PDE4D: variants seen among roughly 807,000 people sequenced by gnomAD.
PDE4D encodes the protein phosphodiesterase 4D.
Under a neutral mutation model 87.4 loss-of-function variants are expected in PDE4D, and 24 were observed. That is an observed-to-expected ratio of 0.27 (90% CI 0.20 to 0.39). The LOEUF (loss-of-function observed/expected upper bound fraction) is 0.39. Among genes scored for constraint, PDE4D ranks in the 10% least tolerant of loss-of-function variants. PDE4D has a pLI of 1.00. For synonymous variants in PDE4D, 384 were observed against 383.2 expected, an observed-to-expected ratio of 1.00 and a Z score of -0.02; for missense variants, 714 against 1,041.0, an observed-to-expected ratio of 0.69 and a Z score of 4.32.
intron 1 of PDE4D, among the ~76,000 whole-genome samples, chr5:60,345,770 G>A (rs918437134): frequency 6.6e-5 from 10 of 151,944 alleles, no homozygotes; most frequent in Admixed American, 6.6e-5. Flanking sequence ...CAAGATGACT[G>A]AATTTCAGAT....
intron 1 of PDE4D, among the ~76,000 whole-genome samples, chr5:59,855,583 A>G (rs1745309083): frequency 1.3e-5 from 2 of 152,260 alleles, no homozygotes; most frequent in South Asian, 2.1e-4. Flanking sequence ...TTAATAATCT[A>G]CCCATTCTCT....
chr5:60,359,227 C>CA (rs1561161887), intron 1 of PDE4D, among the ~76,000 whole-genome samples: 1 of 152,062 alleles, frequency 6.6e-6, no homozygotes, highest in Non-Finnish European at 1.5e-5. Flanking sequence ...GGCAACATGA[C>CA]AAAACCCCAT....
chr5:59,814,617 C>T (rs993572604), intron 1 of PDE4D, among the ~76,000 whole-genome samples: 12 of 152,140 alleles, frequency 7.9e-5, no homozygotes, highest in Non-Finnish European at 1.5e-4. Flanking sequence ...AACTGGTGTT[C>T]GCATCTCTGC....
chr5:59,708,306 A>G (rs1463935713), intron 1 of PDE4D, among the ~76,000 whole-genome samples: 1 of 152,084 alleles, frequency 6.6e-6, no homozygotes, highest in Non-Finnish European at 1.5e-5. Flanking sequence ...CACAGCTAGT[A>G]GAAGACAAGA....
intron 2 of PDE4D, among the ~76,000 whole-genome samples, chr5:59,196,469 T>C (rs1016370952): frequency 6.6e-6 from 1 of 152,238 alleles, no homozygotes; most frequent in East Asian, 1.9e-4. Context: ...GACTTTCCCT[T>C]CTGGCTGTGT....
chr5:59,717,138 T>A (rs1755149251), intron 1 of PDE4D, among the ~76,000 whole-genome samples: 1 of 152,206 alleles, frequency 6.6e-6, no homozygotes, highest in Non-Finnish European at 1.5e-5. Context: ...CTCCTGCCTT[T>A]ATTCTCTCTC....
chr5:60,442,756 C>G (rs1316908469), intron 1 of PDE4D, among the ~76,000 whole-genome samples: 1 of 152,006 alleles, frequency 6.6e-6, no homozygotes, highest in Non-Finnish European at 1.5e-5. Context: ...TCTTAGGTCT[C>G]AAGTTTGGGT....
At chr5:59,604,016 A>G (rs902253392) in intron 1 of PDE4D, among the ~76,000 whole-genome samples, 1 of 151,508 alleles carries the variant, frequency 6.6e-6, no homozygotes, top group African/African-American at 2.4e-5. Flanking sequence ...AATGATAAAT[A>G]CACAATTTTA....
chr5:59,688,859 T>G (rs1257760308), intron 1 of PDE4D, among the ~76,000 whole-genome samples: 1 of 152,132 alleles, frequency 6.6e-6, no homozygotes, highest in Non-Finnish European at 1.5e-5. Flanking sequence ...AAGAATCAAA[T>G]AGACGCAATA....
At chr5:59,820,108 G>C (rs1769459839) in intron 1 of PDE4D, among the ~76,000 whole-genome samples, 1 of 152,144 alleles carries the variant, frequency 6.6e-6, no homozygotes. Flanking sequence ...CTATGGGTGG[G>C]GGCTTTATGA....
chr5:59,579,308 T>A (rs1823683896), intron 1 of PDE4D, among the ~76,000 whole-genome samples: 1 of 152,150 alleles, frequency 6.6e-6, no homozygotes, highest in Non-Finnish European at 1.5e-5. Flanking sequence ...CATCTGGGCA[T>A]CCCCTATGAA....
chr5:59,272,018 A>C (rs1484255235), intron 1 of PDE4D, among the ~76,000 whole-genome samples: 2 of 151,942 alleles, frequency 1.3e-5, no homozygotes, highest in African/African-American at 4.8e-5. Flanking sequence ...TATACTTATT[A>C]CATAATAATA....
intron 1 of PDE4D, among the ~76,000 whole-genome samples, chr5:59,433,019 T>C (rs1796334057): frequency 1.3e-5 from 2 of 152,140 alleles, no homozygotes; most frequent in South Asian, 2.1e-4. Context: ...GACTGCCAAC[T>C]AATTGTGATG....
chr5:60,447,061 G>A (rs1294256098), intron 1 of PDE4D, among the ~76,000 whole-genome samples: 1 of 152,126 alleles, frequency 6.6e-6, no homozygotes, highest in Admixed American at 6.6e-5. Context: ...GATTGTTCTG[G>A]TGTCACTTCA....
intron 5 of PDE4D, among the ~76,000 whole-genome samples, chr5:59,070,565 TA>T (rs1424848054): frequency 4.6e-5 from 7 of 152,216 alleles, no homozygotes; most frequent in Admixed American, 4.6e-4. Context: ...CCCATCCTTC[TA>T]ATATATTATA....
chr5:59,372,345 A>C lies in PDE4D; in HGVS notation c.456-156377T>G, dbSNP rs578020447. 1.2e-4 allele frequency among the ~76,000 whole-genome samples: 18 copies of C among 152,356 alleles called. 1 individual carries two copies. The South Asian group carries it at 3.7e-3, about 32-fold the overall frequency. ...GAGGATATAAACTTTAAACTCTAGA[A>C]TGTTGGACACATCTTTGAAAATAAT... On this transcript the variant is annotated intron_variant, in intron 1 of 14. Coordinates refer to ENST00000340635, the MANE Select transcript of PDE4D (RefSeq NM_001104631.2).
chr5:59,444,341 G>A (rs1458128617), intron 1 of PDE4D, among the ~76,000 whole-genome samples: 1 of 152,184 alleles, frequency 6.6e-6, no homozygotes, highest in Non-Finnish European at 1.5e-5. Context: ...TGACCTGAAA[G>A]GTGTAGGATA....
chr5:59,150,740 T>C (rs1347087414), intron 5 of PDE4D, among the ~76,000 whole-genome samples: 1 of 152,196 alleles, frequency 6.6e-6, no homozygotes, highest in African/African-American at 2.4e-5. Flanking sequence ...CAGTGGAAAG[T>C]TACCTCATTG....
intron 1 of PDE4D, chr5:59,217,339 T>G (rs1751482256): frequency 4.4e-6 from 2 of 451,886 alleles, no homozygotes; most frequent in African/African-American, 4.0e-5. Flanking sequence ...TTATTCAAAC[T>G]ATTAACTAGC....
Sources: allele counts gnomAD v4.1 joint callset (sites outside exome capture counted in the v4.1 genomes callset), GRCh38; gene constraint gnomAD v4.1.1; transcripts MANE v1.5; gene names NCBI Gene and HGNC (gene_info 2026-07-23, HGNC 2026-07-21).